Variants in DNER observed in about 807,000 individuals in gnomAD.
The protein encoded by DNER is delta/notch like EGF repeat containing.
DNER carries 33 observed loss-of-function variants against 78.2 expected under a neutral mutation model. That is an observed-to-expected ratio of 0.42 (90% confidence interval 0.32 to 0.56). The LOEUF (loss-of-function observed/expected upper bound fraction) is 0.56. Ranked by LOEUF, DNER falls within the 20% of genes least tolerant of loss-of-function variation. The pLI is 0.11. For synonymous variants in DNER, 417 were observed against 384.8 expected (o/e 1.08, Z -0.98); for missense variants, 918 against 975.3 (o/e 0.94, Z 0.78).
At chr2:229,600,995 C>A (rs977544243) in intron 1 of DNER, among the ~76,000 whole-genome samples, 1 of 152,132 alleles carries the variant, frequency 6.6e-6, no homozygotes, top group African/African-American at 2.4e-5. Context: ...CCTGGAGGTA[C>A]TGTGATATGG....
At chr2:229,586,597 C>CAACCCA (rs1398735901) in intron 3 of DNER, 1 of 925,170 alleles carries the variant, frequency 1.1e-6, no homozygotes, top group Non-Finnish European at 1.3e-6. Context: ...GAAAGCCCAT[C>CAACCCA]AACCCCAACC....
intron 5 of DNER, among the ~76,000 whole-genome samples, chr2:229,535,270 A>G (rs1201989668): frequency 6.6e-6 from 1 of 152,246 alleles, no homozygotes; most frequent in Non-Finnish European, 1.5e-5. Context: ...TCTGAAAACC[A>G]CAAGGCTAGG....
At chr2:229,499,931 C>CTTTTT (rs58019962) in intron 6 of DNER, among the ~76,000 whole-genome samples, 6 of 134,838 alleles carry the variant, frequency 4.4e-5, no homozygotes, top group African/African-American at 1.1e-4. Context: ...GACTTTCTTT[C>CTTTTT]TTTTTTTTTT....
At chr2:229,553,773 T>C (rs1043066251) in intron 4 of DNER, among the ~76,000 whole-genome samples, 3 of 152,150 alleles carry the variant, frequency 2.0e-5, no homozygotes, top group African/African-American at 7.2e-5. Context: ...CTGCCAACGA[T>C]AACAACTCTA....
At chr2:229,589,258 T>A (rs1366045770) in intron 2 of DNER, among the ~76,000 whole-genome samples, 3 of 152,186 alleles carry the variant, frequency 2.0e-5, no homozygotes, top group African/African-American at 7.2e-5. Context: ...GTATTCATCA[T>A]CACAGAATTA....
At chr2:229,528,805 G>A (rs1007592092) in intron 5 of DNER, among the ~76,000 whole-genome samples, 4 of 152,178 alleles carry the variant, frequency 2.6e-5, no homozygotes, top group Admixed American at 1.3e-4. Context: ...TCTTTGCAGT[G>A]CTAAAAATTA....
chr2:229,363,870 C>T (rs1692275276), intron 12 of DNER, among the ~76,000 whole-genome samples: 1 of 151,766 alleles, frequency 6.6e-6, no homozygotes, highest in Admixed American at 6.6e-5. Flanking sequence ...AATTGTCTCC[C>T]AACACATGAG....
chr2:229,684,074 C>T (rs1699433382), intron 1 of DNER, among the ~76,000 whole-genome samples: 1 of 148,018 alleles, frequency 6.8e-6, no homozygotes, highest in East Asian at 2.0e-4. Flanking sequence ...CCAGATGCTG[C>T]TGAGAACAGG....
Position 229,481,681 on chromosome 2 carries a change from T to C in DNER, c.1148-4428A>G, listed in dbSNP as rs915220394. Among the ~76,000 whole-genome samples, 18 of 152,358 alleles carry C rather than the reference T, an allele frequency of 1.2e-4. No homozygotes were observed. The Middle Eastern group carries it at 0.014, about 115-fold the overall frequency. On this transcript the variant is annotated intron_variant, in intron 6 of 12. Coordinates refer to ENST00000341772, the MANE Select transcript of DNER (RefSeq NM_139072.4). ...TTAAAGTCTTGGCCTGGGTTTTCTT[T>C]CTTCCATCCTGCTAAAAGTCAAACT...
At chr2:229,504,246 G>A (rs762768292) in intron 6 of DNER, among the ~76,000 whole-genome samples, 1 of 151,940 alleles carries the variant, frequency 6.6e-6, no homozygotes, top group Non-Finnish European at 1.5e-5. Flanking sequence ...TTGAGACAGA[G>A]TCTCACTCTG....
In DNER at chr2:229,625,074, GAGA is replaced by G. The variant is rs983147103; in HGVS notation, c.277-33189_277-33187del. ...TTTATTATATATTGAAGATAAATAT[GAGA>G]AGATTTTATAGGATGATGGTATTTC... On this transcript the variant is annotated intron_variant, in intron 1 of 12. Coordinates refer to ENST00000341772, the MANE Select transcript of DNER (RefSeq NM_139072.4). 5.2e-4 allele frequency among the ~76,000 whole-genome samples: 79 copies of G among 152,164 alleles called. 2 individuals carry two copies. The highest frequency in any genetic ancestry group is 1.9e-3 in the African/African-American group (79 of 41,514).
chr2:229,539,925 C>T (rs931026627), intron 5 of DNER, among the ~76,000 whole-genome samples: 3 of 152,246 alleles, frequency 2.0e-5, no homozygotes, highest in African/African-American at 7.2e-5. Context: ...GGCCTTGTAA[C>T]TGCTTCTCAG....
chr2:229,546,356 C>T (rs1696626032), intron 5 of DNER, among the ~76,000 whole-genome samples: 3 of 152,174 alleles, frequency 2.0e-5, no homozygotes, highest in South Asian at 4.1e-4. Flanking sequence ...AAAACTACTC[C>T]GTTAAGTTTA....
intron 7 of DNER, among the ~76,000 whole-genome samples, chr2:229,464,429 A>T (rs934153603): frequency 6.6e-6 from 1 of 152,178 alleles, no homozygotes; most frequent in Non-Finnish European, 1.5e-5. Flanking sequence ...CTAGGAAATC[A>T]TCAGAAGAAT....
chr2:229,492,596 T>C (rs1300638457), intron 6 of DNER, among the ~76,000 whole-genome samples: 1 of 152,190 alleles, frequency 6.6e-6, no homozygotes, highest in Non-Finnish European at 1.5e-5. Flanking sequence ...ATGGAGTCAA[T>C]ATTGCTTCCA....
chr2:229,523,488 A>G (rs1696142905), intron 5 of DNER, among the ~76,000 whole-genome samples: 1 of 151,984 alleles, frequency 6.6e-6, no homozygotes, highest in African/African-American at 2.4e-5. Flanking sequence ...GTGTTTGTCT[A>G]TGTCCCAATG....
intron 4 of DNER, among the ~76,000 whole-genome samples, chr2:229,548,875 C>T (rs186164767): frequency 2.2e-4 from 33 of 152,114 alleles, no homozygotes; most frequent in African/African-American, 8.0e-4. Context: ...AAAGAACAAT[C>T]AATTTAACTT....
Position 229,368,086 on chromosome 2 carries a change from G to A in DNER, c.1856-967C>T, listed in dbSNP as rs549677805. Among the ~76,000 whole-genome samples, 22 of 152,154 alleles carry A rather than the reference G, an allele frequency of 1.4e-4. 1 individual carries two copies. The South Asian group carries it at 3.5e-3, about 24-fold the overall frequency. On this transcript the variant is annotated intron_variant, in intron 11 of 12. Transcript: ENST00000341772. ...TTAAAAAGAAATAAAATATGGCTGG[G>A]CATGGTGGCTCATGCTTGTAATCCC...
chr2:229,550,871 A>G (rs188187141), intron 4 of DNER, among the ~76,000 whole-genome samples: 1 of 152,350 alleles, frequency 6.6e-6, no homozygotes, highest in East Asian at 1.9e-4. Flanking sequence ...CCTTGCCTGC[A>G]TGGTACCTAG....
Sources: gnomAD v4.1 joint callset for allele counts (sites outside exome capture counted in the v4.1 genomes callset) on GRCh38, gnomAD v4.1.1 for gene constraint, MANE v1.5 for transcripts, NCBI Gene and HGNC (gene_info 2026-07-23, HGNC 2026-07-21) for gene names.